The following RNF180 variants were observed in gnomAD, a reference collection of about 807,000 sequenced individuals.
RNF180 encodes the protein ring finger protein 180, also known as E3 ubiquitin-protein ligase RNF180.
A neutral mutation model predicts 59.2 loss-of-function variants in RNF180; 38 were observed. That is an observed-to-expected ratio of 0.64 (90% CI 0.50 to 0.84). The LOEUF (loss-of-function observed/expected upper bound fraction) is 0.84. Ranked by LOEUF, RNF180 falls within the 40% of genes least tolerant of loss-of-function variation. The pLI is 0.00. For missense variants in RNF180, 705 were observed against 700.9 expected (o/e 1.01, Z -0.07); for synonymous variants, 262 against 240.3 (o/e 1.09, Z -0.84).
chr5:64,358,547 G>A (rs1476128354), intron 7 of RNF180, among the ~76,000 whole-genome samples: 2 of 151,760 alleles, frequency 1.3e-5, no homozygotes, highest in Admixed American at 6.6e-5. Context: ...AAATATTAAA[G>A]AAATTGATAG....
chr5:64,175,422 A>G (rs1339973054), intron 1 of RNF180, among the ~76,000 whole-genome samples: 1 of 152,178 alleles, frequency 6.6e-6, no homozygotes, highest in African/African-American at 2.4e-5. Flanking sequence ...ATCAAAAATC[A>G]GTTGGTTGTA....
At chr5:64,330,015 T>C (rs190481878) in intron 6 of RNF180, among the ~76,000 whole-genome samples, 126 of 152,294 alleles carry the variant, frequency 8.3e-4, no homozygotes, top group African/African-American at 2.9e-3. Flanking sequence ...TTTATCATTA[T>C]ATACTCTATA....
At position 64,325,301 on chromosome 5, in the gene RNF180, G is replaced by T; in HGVS notation, c.1343G>T (p.Cys448Phe). 6.4e-7 allele frequency: 1 copy of T among 1,551,474 alleles called. No homozygotes were observed. Among genetic ancestry groups the T allele is most frequent in the Non-Finnish European group, 8.7e-7 (1 of 1,146,852 alleles). The change falls in exon 6 of 8, where the codon TGC becomes TTC. Residue 448 changes from cysteine (C) to phenylalanine (F), a missense_variant. By Grantham distance (205) the Cys-to-Phe change is radical (BLOSUM62 -2). Transcript: ENST00000389100. ...TTCAACCCTTATATGTGTTACCCTTGCCATCACATCTTCTGTGAGCCCTGC... is the reference window on the plus strand; with the variant it reads ...TTCAACCCTTATATGTGTTACCCTTTCCATCACATCTTCTGTGAGCCCTGC... ...VYFNPYMCYPCHHIFCEPCLR... is the reference protein window; with the variant it reads ...VYFNPYMCYPFHHIFCEPCLR...
intron 4 of RNF180, 134 bp from the exon 5 acceptor site, chr5:64,217,227 T>G: frequency 9.3e-7 from 1 of 1,077,458 alleles, no homozygotes; most frequent in Non-Finnish European, 1.2e-6. Context: ...TTCCATTGTA[T>G]GAATGATCCA....
At chr5:64,173,073 G>C (rs1750028544) in intron 1 of RNF180, among the ~76,000 whole-genome samples, 1 of 152,118 alleles carries the variant, frequency 6.6e-6, no homozygotes, top group South Asian at 2.1e-4. Flanking sequence ...TTTGTCCCTA[G>C]TATACAGCAA....
chr5:64,346,694 G>A (rs1178284967), intron 7 of RNF180, among the ~76,000 whole-genome samples: 5 of 151,960 alleles, frequency 3.3e-5, no homozygotes, highest in Non-Finnish European at 5.9e-5. Context: ...TCATATTTAC[G>A]ACCTTGACTA....
intron 5 of RNF180, among the ~76,000 whole-genome samples, chr5:64,305,332 C>G (rs1191487697): frequency 6.6e-6 from 1 of 151,478 alleles, no homozygotes; most frequent in Non-Finnish European, 1.5e-5. Context: ...AAACTGTTAT[C>G]TTTAACTCTG....
intron 7 of RNF180, among the ~76,000 whole-genome samples, chr5:64,343,577 G>T (rs891365890): frequency 1.3e-5 from 2 of 151,654 alleles, no homozygotes; most frequent in African/African-American, 2.4e-5. Flanking sequence ...CAGCCAAACT[G>T]CTGAAACCCA....
At chr5:64,304,379 G>A (rs1315324042) in intron 5 of RNF180, among the ~76,000 whole-genome samples, 1 of 151,556 alleles carries the variant, frequency 6.6e-6, no homozygotes, top group Admixed American at 6.6e-5. Context: ...CAAAGCACAT[G>A]GAAAACCTTC....
At chr5:64,333,075 A>C (rs1744976240) in intron 7 of RNF180, among the ~76,000 whole-genome samples, 1 of 152,248 alleles carries the variant, frequency 6.6e-6, no homozygotes, top group Non-Finnish European at 1.5e-5. Context: ...AAATAGTTTA[A>C]GGACATTATA....
chr5:64,176,418 C>G (rs573882927), intron 1 of RNF180, among the ~76,000 whole-genome samples: 1 of 151,896 alleles, frequency 6.6e-6, no homozygotes, highest in Non-Finnish European at 1.5e-5. Context: ...TTGTGCTTAT[C>G]TTTTGTATTG....
intron 5 of RNF180, among the ~76,000 whole-genome samples, chr5:64,276,356 G>A (rs1224522312): frequency 7.0e-6 from 1 of 143,552 alleles, no homozygotes; most frequent in Non-Finnish European, 1.5e-5. Context: ...GTGTGTGTGT[G>A]TGTACAAAAA....
At chr5:64,342,801 C>A (rs1745406086) in intron 7 of RNF180, among the ~76,000 whole-genome samples, 1 of 152,078 alleles carries the variant, frequency 6.6e-6, no homozygotes, top group Non-Finnish European at 1.5e-5. Context: ...ACACTAAACA[C>A]TAAAAATTTT....
chr5:64,323,667 T>A (rs549268179), intron 5 of RNF180, among the ~76,000 whole-genome samples: 3 of 152,284 alleles, frequency 2.0e-5, no homozygotes, highest in Admixed American at 6.5e-5. Context: ...CTACAGAACC[T>A]GTAGAGAAAG....
intron 5 of RNF180, among the ~76,000 whole-genome samples, chr5:64,261,174 C>T (rs1744318397): frequency 6.6e-6 from 1 of 152,140 alleles, no homozygotes; most frequent in South Asian, 2.1e-4. Flanking sequence ...CATATCATAT[C>T]TACGTACAAC....
At chr5:64,181,999 T>C (rs1336021062) in intron 1 of RNF180, among the ~76,000 whole-genome samples, 1 of 145,428 alleles carries the variant, frequency 6.9e-6, no homozygotes, top group East Asian at 2.0e-4. Context: ...TTTTTTTTTT[T>C]TTTTTTTTTT....
At chr5:64,244,170 A>G (rs1743003187) in intron 5 of RNF180, among the ~76,000 whole-genome samples, 1 of 152,222 alleles carries the variant, frequency 6.6e-6, no homozygotes, top group Non-Finnish European at 1.5e-5. Context: ...TCCAAAAACC[A>G]GAATGCCTCT....
intron 1 of RNF180, among the ~76,000 whole-genome samples, chr5:64,185,608 G>A (rs1444405763): frequency 6.6e-6 from 1 of 152,144 alleles, no homozygotes; most frequent in Non-Finnish European, 1.5e-5. Flanking sequence ...TAAAGAATGT[G>A]GTTTATACCT....
At chr5:64,277,457 T>C (rs1373899598) in intron 5 of RNF180, among the ~76,000 whole-genome samples, 1 of 152,150 alleles carries the variant, frequency 6.6e-6, no homozygotes, top group East Asian at 1.9e-4. Context: ...TTTTGTATTT[T>C]GTGTGAGCCA....
Sources: gnomAD v4.1 joint callset for allele counts (sites outside exome capture counted in the v4.1 genomes callset) on GRCh38, gnomAD v4.1.1 for gene constraint, MANE v1.5 for transcripts, NCBI Gene and HGNC (gene_info 2026-07-23, HGNC 2026-07-21) for gene names.